RSU1: variants seen among roughly 807,000 people sequenced by gnomAD.
The protein encoded by RSU1 is rsu-1.
A neutral mutation model predicts 31.1 loss-of-function variants in RSU1; 26 were observed. The observed-to-expected ratio is 0.84, with a 90% CI of 0.61 to 1.16. RSU1 has a LOEUF of 1.16. Ranked by LOEUF, RSU1 falls within the 50% of genes most tolerant of loss-of-function variation. RSU1 has a pLI of 0.00. For synonymous variants in RSU1, 164 were observed against 136.3 expected (o/e 1.20, Z -1.41); for missense variants, 320 against 339.1 (o/e 0.94, Z 0.44).
intron 8 of RSU1, among the ~76,000 whole-genome samples, chr10:16,602,264 G>A (rs903383268): frequency 2.6e-5 from 4 of 152,134 alleles, no homozygotes; most frequent in African/African-American, 9.7e-5. Flanking sequence ...CCTGACCTTG[G>A]CATGTTACCT....
chr10:16,803,232 T>C (rs910563434), intron 2 of RSU1, among the ~76,000 whole-genome samples: 2 of 152,118 alleles, frequency 1.3e-5, no homozygotes, highest in Non-Finnish European at 2.9e-5. Context: ...AAAAATAGAA[T>C]TTTACATTAA....
intron 8 of RSU1, among the ~76,000 whole-genome samples, chr10:16,674,765 C>T (rs958717841): frequency 6.6e-6 from 1 of 152,122 alleles, no homozygotes; most frequent in Non-Finnish European, 1.5e-5. Context: ...GTAAAGCCGG[C>T]CAGAAGCTGT....
intron 8 of RSU1, among the ~76,000 whole-genome samples, chr10:16,678,541 G>C (rs527415847): frequency 1.3e-5 from 2 of 152,286 alleles, no homozygotes; most frequent in East Asian, 1.9e-4. Context: ...ATCTTCAAAT[G>C]AATGAAAATA....
At chr10:16,663,427 TG>T (rs1337010525) in intron 8 of RSU1, among the ~76,000 whole-genome samples, 3 of 152,178 alleles carry the variant, frequency 2.0e-5, no homozygotes, top group Non-Finnish European at 4.4e-5. Flanking sequence ...TTTCTTCAAT[TG>T]AAAGAGCTGT....
In RSU1 at chr10:16,817,025, C is replaced by T. The variant is rs575892562; in HGVS notation, c.57G>A (p.Glu19=). 6.2e-7 allele frequency: 1 copy of T among 1,614,262 alleles called. No individual in the cohort carries two copies. Among genetic ancestry groups the T allele is most frequent in the Non-Finnish European group, 8.5e-7 (1 of 1,180,044 alleles). ...AGATGCCCCGGTCACTCATGTCCAC[C>T]TCGGGCTGGTTCTTCTCCCGGCTCT... The part of the protein sequence containing the change: ...VEESREKNQP[E]VDMSDRGISN... The change falls in exon 2 of 9, where the codon GAG becomes GAA. Residue 19 remains glutamate, a synonymous_variant. Transcript: ENST00000345264.
At chr10:16,786,747 G>A (rs945545248) in intron 2 of RSU1, among the ~76,000 whole-genome samples, 15 of 152,040 alleles carry the variant, frequency 9.9e-5, no homozygotes, top group Middle Eastern at 3.4e-3. Flanking sequence ...CTCCTCTAAC[G>A]ACGAGAACTC....
chr10:16,591,712 G>GACTC lies in RSU1; in HGVS notation c.*1678_*1681dup, dbSNP rs1833507463. The GACTC allele has an allele frequency of 6.6e-6, 1 of 152,118 alleles. No individual in the cohort carries two copies. The highest frequency in any genetic ancestry group is 2.4e-5 in the African/African-American group (1 of 41,412). The allele number at this position is 152,118 out of a possible 1,614,324, so 9.4% of individuals were successfully genotyped here. On this transcript the variant is annotated 3_prime_UTR_variant, in exon 9 of 9. Transcript: ENST00000345264. ...GGAGTTTTCATCTTTTGAAAAAAAT[G>GACTC]ACTCATAAGAGCCCTTCATATTGTT... is the stretch of plus-strand genomic sequence containing the variant.
intron 7 of RSU1, among the ~76,000 whole-genome samples, chr10:16,702,837 C>T (rs1172393609): frequency 1.3e-5 from 2 of 152,126 alleles, no homozygotes; most frequent in African/African-American, 4.8e-5. Flanking sequence ...AAGAAGAATA[C>T]AAGATTTGGA....
At chr10:16,676,450 T>C (rs1243519051) in intron 8 of RSU1, among the ~76,000 whole-genome samples, 1 of 152,188 alleles carries the variant, frequency 6.6e-6, no homozygotes, top group African/African-American at 2.4e-5. Context: ...CCCACCCCTA[T>C]GATTCAATTA....
intron 8 of RSU1, among the ~76,000 whole-genome samples, chr10:16,603,863 A>G (rs1190323671): frequency 6.6e-6 from 1 of 152,236 alleles, no homozygotes; most frequent in Non-Finnish European, 1.5e-5. Context: ...ACACAAACCT[A>G]TTCATAAATA....
At chr10:16,808,665 G>A (rs574755590) in intron 2 of RSU1, among the ~76,000 whole-genome samples, 1 of 152,188 alleles carries the variant, frequency 6.6e-6, no homozygotes, top group East Asian at 1.9e-4. Context: ...AGGCACTCAG[G>A]TCTGTATCAT....
chr10:16,595,380 T>G (rs1013418837), intron 8 of RSU1, among the ~76,000 whole-genome samples: 3 of 152,168 alleles, frequency 2.0e-5, no homozygotes, highest in Non-Finnish European at 4.4e-5. Context: ...AGTGTTGCCT[T>G]GGAGGCGGTA....
chr10:16,610,792 T>C (rs941258565), intron 8 of RSU1, among the ~76,000 whole-genome samples: 16 of 152,160 alleles, frequency 1.1e-4, no homozygotes, highest in South Asian at 4.1e-4. Flanking sequence ...TGCTGGTCCA[T>C]GGAAAAACTG....
rs373104238 is a variant in RSU1 at position 16,695,157 on chromosome 10, T to TGCGGG, written c.599-3_599-2insCCCGC. The TGCGGG allele has an allele frequency of 2.2e-5, 26 of 1,204,696 alleles. 1 individual carries two copies. The highest frequency in any genetic ancestry group is 2.2e-4 in the Middle Eastern group (1 of 4,598). 74.6% of individuals were successfully genotyped at this position (1,204,696 alleles called of 1,614,324 possible). On this transcript the variant is annotated splice_polypyrimidine_tract_variant and splice_region_variant and intron_variant, in intron 7 of 8. Transcript: ENST00000345264. ...TCTGGCCAGTTAAATCCAAGTTTCCTGGGGGGGGGGAAAAAAAAAGTGAAG... is the reference window on the plus strand; with the variant it reads ...TCTGGCCAGTTAAATCCAAGTTTCCTGCGGGGGGGGGGGGGAAAAAAAAAGTGAAG...
At chr10:16,742,610 T>TA (rs975227094) in intron 7 of RSU1, among the ~76,000 whole-genome samples, 2,736 of 144,768 alleles carry the variant, frequency 0.019, 71 homozygotes, top group Admixed American at 0.074. Flanking sequence ...CTCTGGAATT[T>TA]AAAAAAAAAA....
chr10:16,721,010 C>T (rs34131139), intron 7 of RSU1, among the ~76,000 whole-genome samples: 19,042 of 152,098 alleles, frequency 0.13, 1,497 homozygotes, highest in Middle Eastern at 0.19. Context: ...AATAAACAAA[C>T]AAATAAATAA....
chr10:16,800,310 A>C (rs1373929180), intron 2 of RSU1, among the ~76,000 whole-genome samples: 1 of 152,222 alleles, frequency 6.6e-6, no homozygotes, highest in Admixed American at 6.5e-5. Flanking sequence ...AATTAATATG[A>C]TTGATATGCT....
chr10:16,689,374 G>A (rs1194677483), intron 8 of RSU1, among the ~76,000 whole-genome samples: 1 of 152,186 alleles, frequency 6.6e-6, no homozygotes, highest in African/African-American at 2.4e-5. Flanking sequence ...CTAGCCTTGT[G>A]GTGGACTGGT....
At chr10:16,783,834 A>G (rs1487369242) in intron 2 of RSU1, among the ~76,000 whole-genome samples, 1 of 152,166 alleles carries the variant, frequency 6.6e-6, no homozygotes, top group Non-Finnish European at 1.5e-5. Flanking sequence ...CATAACCACA[A>G]TACAACCATT....
Sources: allele counts gnomAD v4.1 joint callset (sites outside exome capture counted in the v4.1 genomes callset), GRCh38; gene constraint gnomAD v4.1.1; transcripts MANE v1.5; gene names NCBI Gene and HGNC (gene_info 2026-07-23, HGNC 2026-07-21).